The following ASTN2 variants were observed in gnomAD, a reference collection of about 807,000 sequenced individuals.
ASTN2 encodes the protein astrotactin-2.
In ASTN2, 54 loss-of-function variants were observed where a neutral mutation model predicts 139.8. That is an observed-to-expected ratio of 0.39 (90% confidence interval 0.31 to 0.48). ASTN2 has a LOEUF of 0.48. Among genes scored for constraint, ASTN2 ranks in the 20% least tolerant of loss-of-function variants. The pLI is 0.95. For missense variants in ASTN2, 1,565 were observed against 1,725.1 expected (o/e 0.91, Z 1.64); for synonymous variants, 756 against 719.5 (o/e 1.05, Z -0.81).
chr9:117,017,081 G>T (rs868721686), intron 6 of ASTN2, among the ~76,000 whole-genome samples: 1 of 151,680 alleles, frequency 6.6e-6, no homozygotes, highest in East Asian at 1.9e-4. Context: ...AAGTTTTGAC[G>T]TTTCAAAAAA....
chr9:117,008,032 A>G (rs1837407156), intron 7 of ASTN2, 60 bp downstream of exon 7: 2 of 1,472,980 alleles, frequency 1.4e-6, no homozygotes, highest in African/African-American at 1.4e-5. Context: ...AGGGAGCACA[A>G]TGCCTCTTTC....
chr9:116,549,581 A>T (rs1306528881), intron 19 of ASTN2, among the ~76,000 whole-genome samples: 1 of 152,192 alleles, frequency 6.6e-6, no homozygotes, highest in Admixed American at 6.5e-5. Context: ...GGCAGGATAG[A>T]TGCTCTTTTG....
At position 117,181,053 on chromosome 9, in the gene ASTN2, A is replaced by C. The variant is rs998590077; in HGVS notation, c.1015+33305T>G. On this transcript the variant is annotated intron_variant, in intron 3 of 22. Coordinates refer to ENST00000313400, the MANE Select transcript of ASTN2 (RefSeq NM_001365068.1). The stretch of plus-strand genomic sequence containing the variant: ...GTAGCGCAAGGTCAGAAACATAAAC[A>C]TACATCTGAAAGGCCTGTTTCCATG... 1.7e-5 allele frequency: 25 copies of C among 1,462,368 alleles called. No individual in the cohort carries two copies. In the Admixed American group the frequency reaches 4.0e-4, roughly 23 times the overall value. The allele number at this position is 1,462,368 out of a possible 1,614,324, so 90.6% of individuals were successfully genotyped here.
chr9:117,410,014 G>A (rs1339322407), intron 1 of ASTN2, among the ~76,000 whole-genome samples: 1 of 152,188 alleles, frequency 6.6e-6, no homozygotes, highest in East Asian at 1.9e-4. Flanking sequence ...GCATGCAGGT[G>A]TACTTAACAC....
chr9:116,632,179 A>G lies in ASTN2; in HGVS notation c.3073-11736T>C, dbSNP rs1027761665. Among the ~76,000 whole-genome samples the G allele has an allele frequency of 0.012, 234 of 19,766 alleles. 15 individuals carry two copies. The East Asian group carries it at 0.14, about 12-fold the overall frequency. 13.0% of individuals were successfully genotyped at this position (19,766 alleles called of 152,430 possible). A position where few individuals can be genotyped will look rare whatever the true frequency, so the allele number is the denominator to read the frequency against. Reference sequence around the variant, plus strand: ...GAGACAGAGAGAGAGAGAGAGAGAGAGAGAGGGAGAGAGAGAGAAAGAAAG... The same window carrying G: ...GAGACAGAGAGAGAGAGAGAGAGAGGGAGAGGGAGAGAGAGAGAAAGAAAG... On this transcript the variant is annotated intron_variant, in intron 17 of 22. Coordinates refer to ENST00000313400, the MANE Select transcript of ASTN2 (RefSeq NM_001365068.1).
intron 13 of ASTN2, among the ~76,000 whole-genome samples, chr9:116,776,286 C>G (rs1830087312): frequency 6.6e-6 from 1 of 152,178 alleles, no homozygotes; most frequent in Non-Finnish European, 1.5e-5. Flanking sequence ...AGGGGACTAT[C>G]ATTAATAGAG....
chr9:117,384,097 C>T (rs965978744), intron 1 of ASTN2, among the ~76,000 whole-genome samples: 1 of 152,152 alleles, frequency 6.6e-6, no homozygotes, highest in African/African-American at 2.4e-5. Context: ...ATCGGTAGAG[C>T]AGCTCAAATA....
chr9:116,805,769 G>C lies in ASTN2; in HGVS notation c.2259C>G (p.Leu753=), dbSNP rs775962477. 1.2e-6 allele frequency: 2 copies of C among 1,613,914 alleles called. No homozygotes were observed. Among genetic ancestry groups the C allele is most frequent in the East Asian group, 2.2e-5 (1 of 44,882 alleles). ...LAPDGKSCLM[L]SDVCEGPKCL... The stretch of plus-strand genomic sequence containing the variant: ...ACTTGGGGCCCTCGCAGACATCTGA[G>C]AGCATTAAGCAGGATTTTCCATCAG... Residue 753 remains leucine, a synonymous_variant, in exon 13 of 23, where the codon CTC becomes CTG. Coordinates refer to ENST00000313400, the MANE Select transcript of ASTN2 (RefSeq NM_001365068.1).
chr9:117,007,941 A>G, intron 7 of ASTN2, 151 bp downstream of exon 7: 1 of 769,124 alleles, frequency 1.3e-6, no homozygotes, highest in Non-Finnish European at 1.9e-6. Flanking sequence ...ATGGCAGCAC[A>G]TACATTAGTG....
Position 117,414,550 on chromosome 9 carries a change from C to A in ASTN2, c.389G>T (p.Arg130Leu), listed in dbSNP as rs947522712. 3.7e-6 allele frequency: 6 copies of A among 1,603,624 alleles called. No individual in the cohort carries two copies. In the East Asian group the frequency reaches 1.1e-4, roughly 31 times the overall value. ...LLFVRNELPG[R>L]IAVQDDLDNT... ...GTCCAGGTCGTCCTGCACCGCGATG[C>A]GCCCCGGCAGCTCGTTACGCACAAA... Residue 130 changes from arginine (R) to leucine (L), a missense_variant, in exon 1 of 23, where the codon CGC (arginine) becomes CTC (leucine). This residue lies in a region of ASTN2 where 596 missense variants were observed against 576.8 expected (regional missense o/e 1.03). Transcript: ENST00000313400. This position sits in a 1 kb window ranked among gnomAD's most constrained non-coding sequence, Gnocchi z 4.2.
At chr9:117,394,789 G>A (rs527478916) in intron 1 of ASTN2, among the ~76,000 whole-genome samples, 11 of 152,242 alleles carry the variant, frequency 7.2e-5, no homozygotes, top group Admixed American at 6.5e-4. Flanking sequence ...CAATAGAGGC[G>A]GGTTGGGTCC....
At chr9:117,052,139 C>T (rs1280194353) in intron 5 of ASTN2, among the ~76,000 whole-genome samples, 2 of 152,128 alleles carry the variant, frequency 1.3e-5, no homozygotes, top group African/African-American at 2.4e-5. Flanking sequence ...TCCACAGCAT[C>T]ATTAGAAAGA....
intron 19 of ASTN2, among the ~76,000 whole-genome samples, chr9:116,547,864 C>T (rs979277225): frequency 6.6e-6 from 1 of 152,070 alleles, no homozygotes; most frequent in African/African-American, 2.4e-5. Flanking sequence ...GTTCTGTGTC[C>T]CATTCCCTCC....
intron 10 of ASTN2, among the ~76,000 whole-genome samples, chr9:116,942,705 A>G (rs1291130409): frequency 6.6e-6 from 1 of 152,226 alleles, no homozygotes; most frequent in Non-Finnish European, 1.5e-5. Flanking sequence ...GAAGCTAGCC[A>G]GAAATAAGTG....
chr9:116,580,842 A>T (rs1040427056), intron 19 of ASTN2, among the ~76,000 whole-genome samples: 1 of 152,162 alleles, frequency 6.6e-6, no homozygotes, highest in Non-Finnish European at 1.5e-5. Context: ...AATTAGTCTG[A>T]ACCCTGGAAA....
intron 1 of ASTN2, among the ~76,000 whole-genome samples, chr9:117,345,473 G>A (rs553143272): frequency 2.6e-5 from 4 of 152,152 alleles, no homozygotes; most frequent in South Asian, 4.2e-4. Flanking sequence ...AATCCCTACC[G>A]TAATCCTGCA....
intron 19 of ASTN2, among the ~76,000 whole-genome samples, chr9:116,580,494 G>T (rs1019379029): frequency 6.6e-6 from 1 of 152,126 alleles, no homozygotes; most frequent in Admixed American, 6.5e-5. Flanking sequence ...AAATCTTCCA[G>T]TTACTCTGAA....
intron 7 of ASTN2, among the ~76,000 whole-genome samples, chr9:116,977,995 G>A (rs1330991654): frequency 6.6e-6 from 1 of 152,112 alleles, no homozygotes; most frequent in East Asian, 1.9e-4. Context: ...GGGATTACAC[G>A]TGTGAGCCAC....
intron 19 of ASTN2, among the ~76,000 whole-genome samples, chr9:116,518,130 C>T (rs1850724564): frequency 6.6e-6 from 1 of 152,142 alleles, no homozygotes; most frequent in African/African-American, 2.4e-5. Context: ...TAGAGGTCTA[C>T]ACATCCAAAT....
Sources: gnomAD v4.1 joint callset for allele counts (sites outside exome capture counted in the v4.1 genomes callset) on GRCh38, gnomAD v4.1.1 for gene constraint, gnomAD v4.1.1 regional missense constraint, Gnocchi (gnomAD v3.1) non-coding constraint, MANE v1.5 for transcripts, NCBI Gene and HGNC (gene_info 2026-07-23, HGNC 2026-07-21) for gene names.